PTGFRN: variants seen among roughly 807,000 people sequenced by gnomAD.
PTGFRN encodes the protein prostaglandin F2 receptor negative regulator.
PTGFRN carries 35 observed loss-of-function variants against 83.2 expected under a neutral mutation model. The observed-to-expected ratio is 0.42, with a 90% CI of 0.32 to 0.56. The LOEUF (loss-of-function observed/expected upper bound fraction) is 0.56, where lower values mean the gene tolerates loss of function less well. Ranked by LOEUF, PTGFRN falls within the 20% of genes least tolerant of loss-of-function variation. The pLI is 0.11. For synonymous variants in PTGFRN, 519 were observed against 498.6 expected (o/e 1.04, Z -0.55); for missense variants, 1,051 against 1,179.5 (o/e 0.89, Z 1.60).
intron 5 of PTGFRN, among the ~76,000 whole-genome samples, chr1:116,962,935 C>G (rs886593725): frequency 5.3e-5 from 8 of 152,198 alleles, no homozygotes; most frequent in African/African-American, 1.9e-4. Flanking sequence ...CTTTCATTCT[C>G]AGAGCTAAGG....
At chr1:116,948,186 A>G (rs1428768008) in intron 3 of PTGFRN, among the ~76,000 whole-genome samples, 1 of 152,080 alleles carries the variant, frequency 6.6e-6, no homozygotes, top group Non-Finnish European at 1.5e-5. Context: ...CATCTAAGTA[A>G]TTGTTCCCGG....
At chr1:116,922,335 A>G (rs2101052806) in intron 1 of PTGFRN, among the ~76,000 whole-genome samples, 1 of 152,358 alleles carries the variant, frequency 6.6e-6, no homozygotes, top group East Asian at 1.9e-4. Context: ...TGACCTGATA[A>G]GAGACACATA....
At chr1:116,933,942 AATCTT>A (rs1365330579) in intron 1 of PTGFRN, among the ~76,000 whole-genome samples, 4 of 152,166 alleles carry the variant, frequency 2.6e-5, no homozygotes, top group African/African-American at 9.7e-5. Context: ...GTTTAAGAAA[AATCTT>A]AGCCATTATC....
intron 1 of PTGFRN, among the ~76,000 whole-genome samples, chr1:116,930,398 T>C (rs751403425): frequency 6.6e-6 from 1 of 152,192 alleles, no homozygotes; most frequent in Non-Finnish European, 1.5e-5. Flanking sequence ...TGTCTCCCGA[T>C]GGTGTCATCG....
chr1:116,948,954 T>C (rs1474646226), intron 3 of PTGFRN, among the ~76,000 whole-genome samples: 2 of 152,248 alleles, frequency 1.3e-5, no homozygotes, highest in East Asian at 1.9e-4. Context: ...CTGCCTGGCA[T>C]ATATAGCAGA....
intron 6 of PTGFRN, among the ~76,000 whole-genome samples, chr1:116,969,384 C>A (rs1650930838): frequency 6.6e-6 from 1 of 152,114 alleles, no homozygotes; most frequent in Admixed American, 6.5e-5. Context: ...CTTGTTTTGG[C>A]ACCCCTGTCA....
intron 1 of PTGFRN, among the ~76,000 whole-genome samples, chr1:116,922,408 T>C (rs1034278843): frequency 7.2e-5 from 11 of 152,236 alleles, no homozygotes; most frequent in African/African-American, 2.7e-4. Flanking sequence ...TATGCAATCA[T>C]GTGATCTATT....
In PTGFRN at chr1:116,944,570, TGGAATG is replaced by T. The variant is rs575762135; in HGVS notation, c.419-104_419-99del. On this transcript the variant is annotated intron_variant, in intron 2 of 8. Transcript: ENST00000393203. ...TGGGAAAACGTGCCCATCCGGGTCTTGGAATGGGAAAGGGAGGAGGAAATTGTCTGT... is the reference window on the plus strand; with the variant it reads ...TGGGAAAACGTGCCCATCCGGGTCTTGGAAAGGGAGGAGGAAATTGTCTGT... The T allele has an allele frequency of 3.4e-3, 3,853 of 1,134,070 alleles. 13 individuals are homozygous for T. The highest frequency in any genetic ancestry group is 0.013 in the Middle Eastern group (40 of 3,068). 70.3% of individuals were successfully genotyped at this position (1,134,070 alleles called of 1,614,324 possible). A position where few individuals can be genotyped will look rare whatever the true frequency, so the allele number is the denominator to read the frequency against.
chr1:116,974,920 G>A (rs1167052033), intron 7 of PTGFRN, among the ~76,000 whole-genome samples: 1 of 152,200 alleles, frequency 6.6e-6, no homozygotes, highest in Non-Finnish European at 1.5e-5. Flanking sequence ...CCGAAGCAGG[G>A]CAAGGCATCA....
At position 116,941,355 on chromosome 1, in the gene PTGFRN, C is replaced by A. The variant is rs1297338397; in HGVS notation, c.50-360C>A. 6.6e-6 allele frequency among the ~76,000 whole-genome samples: 1 copy of A among 152,046 alleles called. No homozygotes were observed. The highest frequency in any genetic ancestry group is 1.5e-5 in the Non-Finnish European group (1 of 68,014). On this transcript the variant is annotated intron_variant, in intron 1 of 8. Transcript: ENST00000393203. The surrounding 1 kb of genome is among the most constrained non-coding windows in gnomAD (Gnocchi z 5.0). ...AATGTAAACACTTGACTGGCTGTGC[C>A]CTTTTATTTCACACAAAACCTAAAA...
In PTGFRN at chr1:116,967,068, CAA is replaced by C. The variant is rs771488203; in HGVS notation, c.1798_1799del (p.Asn600Ter). ...EKPVGDLSSP[N>X]ETKYIISLDQ... ...AGCCTGTCGGCGACCTCTCCAGTCC[CAA>C]TGAAACGAAGTACATCATCTCTCTG... On this transcript the variant is annotated frameshift_variant, in exon 6 of 9. Coordinates refer to ENST00000393203, the MANE Select transcript of PTGFRN (RefSeq NM_020440.4). LOFTEE classifies it high-confidence loss of function. 1.7e-5 allele frequency: 27 copies of C among 1,614,184 alleles called. No homozygotes were observed. In the Admixed American group the frequency reaches 3.5e-4, roughly 21 times the overall value.
chr1:116,949,552 G>A lies in PTGFRN; in HGVS notation c.1193G>A (p.Gly398Asp), dbSNP rs766320592. Residue 398 changes from glycine to aspartate, a missense_variant, in exon 4 of 9, where the codon GGT becomes GAT. Around this residue, in one of 3 missense-constraint regions of PTGFRN, gnomAD observed 719 missense variants for 836.6 expected, o/e 0.86. Transcript: ENST00000393203. Reference protein sequence around the residue: ...KVAEAVSSPAGVGVTWLEPDY... With the variant: ...KVAEAVSSPADVGVTWLEPDY... ...GCAGAGGCCGTGTCTTCCCCAGCTG[G>A]TGTGGGTGTGACCTGGCTAGGTGAG... The A allele has an allele frequency of 1.2e-6, 2 of 1,613,248 alleles. No homozygotes were observed. The highest frequency in any genetic ancestry group is 2.7e-5 in the African/African-American group (2 of 74,946).
At chr1:116,980,040 A>G (rs1381734957) in intron 7 of PTGFRN, among the ~76,000 whole-genome samples, 3 of 152,226 alleles carry the variant, frequency 2.0e-5, no homozygotes, top group African/African-American at 7.2e-5. Flanking sequence ...AACCCCATCA[A>G]AAAGTGGGCA....
chr1:116,981,127 T>A (rs1056876355), intron 7 of PTGFRN, among the ~76,000 whole-genome samples: 3 of 152,210 alleles, frequency 2.0e-5, no homozygotes, highest in African/African-American at 7.2e-5. Flanking sequence ...CTGCTTAGCC[T>A]CATTTAGTGA....
At chr1:116,965,917 G>C (rs891409920) in intron 5 of PTGFRN, among the ~76,000 whole-genome samples, 3 of 152,224 alleles carry the variant, frequency 2.0e-5, no homozygotes, top group Non-Finnish European at 4.4e-5. Flanking sequence ...AATCAAGAAA[G>C]AATGTGGTGG....
intron 1 of PTGFRN, among the ~76,000 whole-genome samples, chr1:116,915,292 C>T (rs1253424841): frequency 6.6e-6 from 1 of 152,234 alleles, no homozygotes; most frequent in Non-Finnish European, 1.5e-5. Flanking sequence ...TGCCAGCATG[C>T]ACCTCAGAGG....
chr1:116,910,218 C>T lies in PTGFRN; in HGVS notation c.15C>T (p.Ala5=). 1 of 1,460,390 alleles carries T rather than the reference C, an allele frequency of 6.8e-7. No individual in the cohort carries two copies. Among genetic ancestry groups the T allele is most frequent in the Non-Finnish European group, 9.0e-7 (1 of 1,112,886 alleles). The allele number at this position is 1,460,390 out of a possible 1,614,324, so 90.5% of individuals were successfully genotyped here. Residue 5 remains alanine, a synonymous_variant, in exon 1 of 9, where the codon GCC becomes GCT. Coordinates refer to ENST00000393203, the MANE Select transcript of PTGFRN (RefSeq NM_020440.4). The stretch of plus-strand genomic sequence containing the variant: ...GCCGGGCGAGCATGGGGCGCCTGGC[C>T]TCGAGGCCGCTGCTGCTGGCGCTCC... MGRL[A]SRPLLLALLS... is the part of the protein sequence containing the mutation.
chr1:116,926,980 T>A (rs1359337288), intron 1 of PTGFRN, among the ~76,000 whole-genome samples: 1 of 152,136 alleles, frequency 6.6e-6, no homozygotes, highest in Non-Finnish European at 1.5e-5. Context: ...CAGAGTGGGC[T>A]GGTTTAGGGT....
intron 7 of PTGFRN, among the ~76,000 whole-genome samples, chr1:116,978,730 A>G (rs1327865792): frequency 7.2e-5 from 11 of 152,244 alleles, no homozygotes; most frequent in South Asian, 2.1e-4. Context: ...TCTCAAAATA[A>G]TAAGAACTAT....
Sources: allele counts gnomAD v4.1 joint callset (sites outside exome capture counted in the v4.1 genomes callset), GRCh38; gene constraint gnomAD v4.1.1; regional missense constraint gnomAD v4.1.1; non-coding constraint Gnocchi (gnomAD v3.1); transcripts MANE v1.5; gene names NCBI Gene and HGNC (gene_info 2026-07-23, HGNC 2026-07-21).